The following LUZP1 variants were observed in gnomAD, a reference collection of about 807,000 sequenced individuals.
LUZP1 encodes filamin mechanobinding actin cross-linking protein.
In LUZP1, 25 loss-of-function variants were observed where a neutral mutation model predicts 71.3. The observed-to-expected ratio is 0.35, with a 90% CI of 0.26 to 0.49. The LOEUF (loss-of-function observed/expected upper bound fraction) is 0.49. LUZP1 is among the 20% of genes least tolerant of loss of function. The pLI, the probability that LUZP1 is intolerant of heterozygous loss-of-function variation, is 0.99. For missense variants in LUZP1, 1,142 were observed against 1,300.8 expected (o/e 0.88, Z 1.88); for synonymous variants, 481 against 506.4 (o/e 0.95, Z 0.67).
chr1:23,167,046 T>C (rs1339482816), intron 2 of LUZP1, among the ~76,000 whole-genome samples: 1 of 152,178 alleles, frequency 6.6e-6, no homozygotes, highest in Non-Finnish European at 1.5e-5. Flanking sequence ...AGCAAAACCT[T>C]AATCTGCCCC....
At chr1:23,086,569 C>T (rs1018068004) in exon 5 of LUZP1, 3 of 152,624 alleles carry the variant, frequency 2.0e-5, no homozygotes, top group African/African-American at 7.2e-5. Context: ...TCTTTTTAGG[C>T]ATGGCTTGGC....
chr1:23,088,523 A>T (rs1643802226), exon 5 of LUZP1: 1 of 185,942 alleles, frequency 5.4e-6, no homozygotes. Flanking sequence ...ACACAGACAG[A>T]GGCTGCCCTA....
intron 2 of LUZP1, among the ~76,000 whole-genome samples, chr1:23,133,902 T>C (rs1422333334): frequency 2.6e-5 from 4 of 152,124 alleles, no homozygotes; most frequent in Non-Finnish European, 5.9e-5. Flanking sequence ...ACCCTGAATC[T>C]AAGTACAAGA....
chr1:23,155,553 A>G (rs972825523), intron 2 of LUZP1, among the ~76,000 whole-genome samples: 2 of 152,246 alleles, frequency 1.3e-5, no homozygotes, highest in Non-Finnish European at 2.9e-5. Flanking sequence ...AGATTAAATA[A>G]ACACATAAAA....
chr1:23,151,496 G>A (rs2124731074), intron 2 of LUZP1, among the ~76,000 whole-genome samples: 1 of 152,274 alleles, frequency 6.6e-6, no homozygotes, highest in South Asian at 2.1e-4. Flanking sequence ...TTCTTATGGT[G>A]CGTAATCCAA....
At chr1:23,092,933 A>C (rs760725608) in exon 4 of LUZP1, 7 of 1,613,708 alleles carry the variant, frequency 4.3e-6, no homozygotes, top group Non-Finnish European at 5.9e-6. Context: ...CCTGAGTCCC[A>C]CTGTCTGTAC....
At chr1:23,177,926 T>G (rs550545381), upstream of LUZP1, 1 of 152,408 alleles carries the variant, frequency 6.6e-6, no homozygotes, top group African/African-American at 2.4e-5. Flanking sequence ...TTCCTGGCTT[T>G]CTCTCCGCGT....
At chr1:23,089,857 T>C (rs1396762678) in intron 4 of LUZP1, among the ~76,000 whole-genome samples, 1 of 151,842 alleles carries the variant, frequency 6.6e-6, no homozygotes, top group Non-Finnish European at 1.5e-5. Context: ...GCCTCCTGGG[T>C]TCAAGTGATT....
intron 2 of LUZP1, among the ~76,000 whole-genome samples, chr1:23,139,388 T>C (rs1478083985): frequency 2.6e-5 from 4 of 152,058 alleles, no homozygotes; most frequent in Admixed American, 2.0e-4. Flanking sequence ...GAAGGAGGTA[T>C]AGGTGACCCT....
At chr1:23,151,625 G>A (rs1387327676) in intron 2 of LUZP1, among the ~76,000 whole-genome samples, 1 of 152,124 alleles carries the variant, frequency 6.6e-6, no homozygotes, top group Non-Finnish European at 1.5e-5. Context: ...CACCTGTAAA[G>A]TAGGAATAAC....
intron 2 of LUZP1, among the ~76,000 whole-genome samples, chr1:23,155,036 G>A (rs764533609): frequency 1.3e-5 from 2 of 151,812 alleles, no homozygotes; most frequent in Non-Finnish European, 2.9e-5. Flanking sequence ...AAATATTTTC[G>A]CATATGTTGG....
intron 2 of LUZP1, among the ~76,000 whole-genome samples, chr1:23,124,134 T>G (rs1450997813): frequency 6.6e-6 from 1 of 152,182 alleles, no homozygotes; most frequent in Non-Finnish European, 1.5e-5. Context: ...AGAATCATGC[T>G]GTGAGCAAGA....
chr1:23,119,415 A>T (rs1464224313), intron 2 of LUZP1, among the ~76,000 whole-genome samples: 1 of 151,974 alleles, frequency 6.6e-6, no homozygotes, highest in African/African-American at 2.4e-5. Flanking sequence ...AAGTGAAAGC[A>T]AGTATGACAA....
At chr1:23,087,802 C>T (rs1643789111) in exon 5 of LUZP1, 1 of 152,658 alleles carries the variant, frequency 6.6e-6, no homozygotes, top group African/African-American at 2.4e-5. Context: ...TATCACCTTT[C>T]CTCCAGCGAA....
intron 2 of LUZP1, among the ~76,000 whole-genome samples, chr1:23,165,509 T>C (rs988349568): frequency 2.0e-5 from 3 of 151,838 alleles, no homozygotes; most frequent in African/African-American, 7.3e-5. Context: ...ACCTCATCTC[T>C]ATAAATAAAA....
chr1:23,160,858 A>G (rs189899448), intron 2 of LUZP1, among the ~76,000 whole-genome samples: 39 of 152,332 alleles, frequency 2.6e-4, no homozygotes, highest in Admixed American at 7.8e-4. Context: ...AGAAAATAAG[A>G]AGCTTTTGAT....
At chr1:23,134,306 C>A (rs1445210489) in intron 2 of LUZP1, among the ~76,000 whole-genome samples, 2 of 151,778 alleles carry the variant, frequency 1.3e-5, no homozygotes, top group Admixed American at 1.3e-4. Flanking sequence ...CACAGCAAGA[C>A]CCCATTTCTA....
chr1:23,142,183 A>C (rs1644308395), intron 2 of LUZP1, among the ~76,000 whole-genome samples: 1 of 151,858 alleles, frequency 6.6e-6, no homozygotes, highest in Non-Finnish European at 1.5e-5. Flanking sequence ...TTGTAGAAAC[A>C]GGATCTTGCT....
At chr1:23,149,937 G>A (rs902155137) in intron 2 of LUZP1, among the ~76,000 whole-genome samples, 1 of 130,158 alleles carries the variant, frequency 7.7e-6, no homozygotes, top group Non-Finnish European at 1.5e-5. Flanking sequence ...ACTCCAGCCT[G>A]GTGACGGAGC....
Sources: gnomAD v4.1 joint callset for allele counts (sites outside exome capture counted in the v4.1 genomes callset) on GRCh38, gnomAD v4.1.1 for gene constraint, MANE v1.5 for transcripts, NCBI Gene and HGNC (gene_info 2026-07-23, HGNC 2026-07-21) for gene names.